GLIS3: variants seen among roughly 807,000 people sequenced by gnomAD.
GLIS3 encodes the protein zinc finger protein GLIS3.
GLIS3 carries 53 observed loss-of-function variants against 78.6 expected under a neutral mutation model. The ratio of observed to expected loss-of-function variants is 0.67; its 90% CI spans 0.54 to 0.85. The LOEUF is 0.85. Among genes scored for constraint, GLIS3 ranks in the 40% least tolerant of loss-of-function variants. The pLI is 0.00. For missense variants in GLIS3, 1,703 were observed against 1,231.1 expected, an observed-to-expected ratio of 1.38 and a Z score of -5.74; for synonymous variants, 684 against 509.9, an observed-to-expected ratio of 1.34 and a Z score of -4.60.
intron 2 of GLIS3, among the ~76,000 whole-genome samples, chr9:4,147,938 C>T (rs1169435402): frequency 3.9e-5 from 6 of 152,178 alleles, no homozygotes; most frequent in East Asian, 1.9e-4. Context: ...AACTTACTGT[C>T]GGCTGTTTCA....
chr9:4,154,221 C>T (rs1834888658), intron 2 of GLIS3, among the ~76,000 whole-genome samples: 1 of 152,126 alleles, frequency 6.6e-6, no homozygotes, highest in Non-Finnish European at 1.5e-5. Context: ...TCTTGGAACC[C>T]ATGCAAATTC....
chr9:4,415,923 C>G, the GLIS3 span, among the ~76,000 whole-genome samples: 1 of 151,718 alleles, frequency 6.6e-6, no homozygotes, highest in African/African-American at 2.4e-5. Context: ...CCCCACTCCT[C>G]AGAAGTAACC....
chr9:4,334,311 C>A (rs893736548), intron 2 of GLIS3, among the ~76,000 whole-genome samples: 32 of 152,142 alleles, frequency 2.1e-4, no homozygotes, highest in Non-Finnish European at 3.8e-4. Context: ...ACAGAGAGAT[C>A]ACAGAACCTC....
the GLIS3 span, among the ~76,000 whole-genome samples, chr9:4,474,987 T>G: frequency 1.1e-5 from 1 of 92,302 alleles, no homozygotes; most frequent in African/African-American, 3.8e-5. Context: ...CTATGTTAAT[T>G]TTTTTTTCTT....
At chr9:4,214,478 CCTAA>C (rs1342840303) in intron 2 of GLIS3, among the ~76,000 whole-genome samples, 3 of 152,190 alleles carry the variant, frequency 2.0e-5, no homozygotes, top group Non-Finnish European at 2.9e-5. Flanking sequence ...TGAGAATCTC[CCTAA>C]CTGCCAGGGC....
chr9:4,424,425 C>G, the GLIS3 span, among the ~76,000 whole-genome samples: 1 of 152,168 alleles, frequency 6.6e-6, no homozygotes, highest in East Asian at 1.9e-4. Flanking sequence ...TACCAGGCAA[C>G]AGATTCTAGC....
intron 2 of GLIS3, among the ~76,000 whole-genome samples, chr9:4,284,873 C>A (rs975388070): frequency 2.0e-5 from 3 of 152,092 alleles, no homozygotes; most frequent in African/African-American, 7.2e-5. Flanking sequence ...AGACCAAGAT[C>A]ATGCCACTGT....
chr9:4,185,220 T>C (rs751971023), intron 2 of GLIS3, among the ~76,000 whole-genome samples: 3 of 152,242 alleles, frequency 2.0e-5, no homozygotes, highest in Admixed American at 1.3e-4. Flanking sequence ...TGGTCTTTTG[T>C]GCCTGGTTTC....
intron 2 of GLIS3, among the ~76,000 whole-genome samples, chr9:4,134,168 T>C (rs1004084444): frequency 6.6e-5 from 10 of 152,160 alleles, no homozygotes; most frequent in Non-Finnish European, 1.3e-4. Context: ...GCCCTTTTAT[T>C]TCCTAGCAAG....
chr9:4,190,199 T>G (rs921351185), intron 2 of GLIS3, among the ~76,000 whole-genome samples: 16 of 151,880 alleles, frequency 1.1e-4, no homozygotes, highest in Non-Finnish European at 2.1e-4. Flanking sequence ...CTTTGACGAG[T>G]TGAGAGTGAA....
the GLIS3 span, among the ~76,000 whole-genome samples, chr9:4,477,587 T>C: frequency 1.3e-5 from 2 of 152,098 alleles, no homozygotes; most frequent in Non-Finnish European, 2.9e-5. Context: ...CTAATTTTTG[T>C]ATTTTTTGTA....
At chr9:3,976,780 G>T (rs1818825777) in intron 4 of GLIS3, among the ~76,000 whole-genome samples, 1 of 82,270 alleles carries the variant, frequency 1.2e-5, no homozygotes, top group Non-Finnish European at 2.3e-5. Flanking sequence ...ATGGGAGACA[G>T]AAATCCTCCC....
intron 4 of GLIS3, among the ~76,000 whole-genome samples, chr9:4,060,346 G>C (rs1369064783): frequency 6.6e-6 from 1 of 152,130 alleles, no homozygotes; most frequent in Non-Finnish European, 1.5e-5. Flanking sequence ...TAGCCAGCCT[G>C]CTTCTCGTCA....
chr9:4,197,632 C>G (rs375138125), intron 2 of GLIS3, among the ~76,000 whole-genome samples: 2 of 152,172 alleles, frequency 1.3e-5, no homozygotes, highest in East Asian at 3.9e-4. Context: ...CCAGTCCTGC[C>G]CTGCCCATCT....
chr9:4,465,757 A>AT, the GLIS3 span, among the ~76,000 whole-genome samples: 2 of 152,170 alleles, frequency 1.3e-5, no homozygotes, highest in Non-Finnish European at 2.9e-5. Flanking sequence ...ATTCAAAAAA[A>AT]TTTTCAAAAA....
chr9:3,884,692 C>T (rs1461773285), intron 7 of GLIS3, among the ~76,000 whole-genome samples: 1 of 152,180 alleles, frequency 6.6e-6, no homozygotes, highest in South Asian at 2.1e-4. Flanking sequence ...TAAACATTTC[C>T]CCAGTTTGCT....
At chr9:4,135,731 C>T (rs1282910409) in intron 2 of GLIS3, among the ~76,000 whole-genome samples, 2 of 152,114 alleles carry the variant, frequency 1.3e-5, no homozygotes, top group African/African-American at 4.8e-5. Flanking sequence ...TATGAAAGAA[C>T]TTTGAAAAGT....
intron 3 of GLIS3, among the ~76,000 whole-genome samples, chr9:4,123,292 G>GA (rs1286321557): frequency 6.6e-6 from 1 of 152,128 alleles, no homozygotes; most frequent in East Asian, 1.9e-4. Flanking sequence ...TGGTGTATTA[G>GA]AAAACAGGCA....
intron 4 of GLIS3, among the ~76,000 whole-genome samples, chr9:4,002,909 CAA>C (rs1249709559): frequency 6.6e-6 from 1 of 152,142 alleles, no homozygotes; most frequent in Non-Finnish European, 1.5e-5. Flanking sequence ...AGGCAAAGGT[CAA>C]GAGATCCACA....
Sources: gnomAD v4.1 joint callset for allele counts (sites outside exome capture counted in the v4.1 genomes callset) on GRCh38, gnomAD v4.1.1 for gene constraint, MANE v1.5 for transcripts, NCBI Gene and HGNC (gene_info 2026-07-23, HGNC 2026-07-21) for gene names.